GRM8: variants seen among roughly 807,000 people sequenced by gnomAD.
GRM8 encodes metabotropic glutamate receptor 8.
In GRM8, 47 loss-of-function variants were observed where a neutral mutation model predicts 87.2. The ratio of observed to expected loss-of-function variants is 0.54; its 90% CI spans 0.43 to 0.69. The LOEUF (loss-of-function observed/expected upper bound fraction) is 0.69, where lower values mean the gene tolerates loss of function less well. Ranked by LOEUF, GRM8 falls within the 30% of genes least tolerant of loss-of-function variation. The pLI, the probability that GRM8 is intolerant of heterozygous loss-of-function variation, is 0.00. For missense variants in GRM8, 1,019 were observed against 1,139.2 expected (o/e 0.89, Z 1.52); for synonymous variants, 396 against 404.5 (o/e 0.98, Z 0.25).
intron 7 of GRM8, among the ~76,000 whole-genome samples, chr7:126,615,773 AAAG>A (rs1799424378): frequency 1.3e-5 from 2 of 152,340 alleles, no homozygotes; most frequent in South Asian, 4.1e-4. Context: ...CAAAAGAGAC[AAAG>A]AAGGCCATTA....
chr7:126,533,566 C>A lies in GRM8; in HGVS notation c.1816G>T (p.Val606Phe). Reference sequence around the variant, plus strand: ...ACGATAGGTGTGTCATTATAGCGGACAAAGGTCACGATCACAAAGGTGGTG... The same window carrying A: ...ACGATAGGTGTGTCATTATAGCGGAAAAAGGTCACGATCACAAAGGTGGTG... ...IATTFVIVTF[V>F]RYNDTPIVRA... The change falls in exon 9 of 11, where the codon GTC (valine) becomes TTC (phenylalanine). Residue 606 changes from valine to phenylalanine, a missense_variant. Coordinates refer to ENST00000339582, the MANE Select transcript of GRM8 (RefSeq NM_000845.3). The A allele has an allele frequency of 1.9e-6, 3 of 1,614,020 alleles. No homozygotes were observed. The highest frequency in any genetic ancestry group is 1.7e-6 in the Non-Finnish European group (2 of 1,179,992).
intron 9 of GRM8, among the ~76,000 whole-genome samples, chr7:126,481,927 A>C (rs1460821905): frequency 6.6e-6 from 1 of 152,084 alleles, no homozygotes; most frequent in Non-Finnish European, 1.5e-5. Context: ...TGTAAGTCTA[A>C]AAGTATCTCA....
intron 7 of GRM8, among the ~76,000 whole-genome samples, chr7:126,723,751 A>G (rs185718559): frequency 1.2e-3 from 184 of 152,292 alleles, no homozygotes; most frequent in African/African-American, 4.2e-3. Context: ...AATTAGCTAC[A>G]TCTTTGTGTG....
At chr7:127,030,960 T>G (rs562251370) in intron 3 of GRM8, among the ~76,000 whole-genome samples, 1 of 152,254 alleles carries the variant, frequency 6.6e-6, no homozygotes, top group Admixed American at 6.5e-5. Context: ...TAAGATGTGG[T>G]CTACCAGTGA....
At chr7:126,842,270 G>C (rs2237771) in intron 6 of GRM8, among the ~76,000 whole-genome samples, 33,066 of 152,114 alleles carry the variant, frequency 0.22, 4,051 homozygotes, top group East Asian at 0.5. Context: ...GGATGTTTAA[G>C]AGGCAATAGG....
At chr7:126,975,158 C>T (rs1169690341) in intron 3 of GRM8, among the ~76,000 whole-genome samples, 1 of 152,012 alleles carries the variant, frequency 6.6e-6, no homozygotes, top group African/African-American at 2.4e-5. Flanking sequence ...GAGCACCCAC[C>T]CTCTAAACTT....
chr7:126,658,044 C>T (rs769505547), intron 7 of GRM8, among the ~76,000 whole-genome samples: 4 of 152,166 alleles, frequency 2.6e-5, no homozygotes, highest in African/African-American at 4.8e-5. Flanking sequence ...TGGCCTGAGC[C>T]GCTGGGAAAG....
In GRM8 at chr7:127,113,563, CG is replaced by C. The variant is rs1384462152; in HGVS notation, c.511-6852del. 3.3e-5 allele frequency among the ~76,000 whole-genome samples: 5 copies of C among 152,048 alleles called. No individual in the cohort carries two copies. In the East Asian group the frequency reaches 9.7e-4, roughly 29 times the overall value. ...GAACTTAATTGGTGAAGTAGGTTGG[CG>C]GGGTGGGTTCTTTGTGCTACTCAAT... On this transcript the variant is annotated intron_variant, in intron 2 of 10. Coordinates refer to ENST00000339582, the MANE Select transcript of GRM8 (RefSeq NM_000845.3).
At chr7:126,834,184 C>G (rs1213030795) in intron 6 of GRM8, among the ~76,000 whole-genome samples, 2 of 152,186 alleles carry the variant, frequency 1.3e-5, no homozygotes, top group African/African-American at 4.8e-5. Flanking sequence ...ATCCTCTCCC[C>G]CATTGCCATG....
chr7:127,017,240 T>C (rs1260406997), intron 3 of GRM8, among the ~76,000 whole-genome samples: 3 of 152,084 alleles, frequency 2.0e-5, no homozygotes, highest in Admixed American at 2.0e-4. Context: ...AGCTAAGTTC[T>C]CTTAAATTTT....
At chr7:127,215,234 G>A (rs967161891) in intron 2 of GRM8, 1 of 152,148 alleles carries the variant, frequency 6.6e-6, no homozygotes, top group African/African-American at 2.4e-5. Context: ...GAGGTTTCCT[G>A]GACGGCATAT....
rs372188741 is a variant in GRM8, at chr7:126,957,889, C to G, written c.728-53206G>C. On this transcript the variant is annotated intron_variant, in intron 3 of 10. Transcript: ENST00000339582. ...AGGGCTGCCCATTCCAGGTGGAGTC[C>G]GCAGCCAGAAGTGACAACTTAGGTC... 9.9e-5 allele frequency among the ~76,000 whole-genome samples: 15 copies of G among 152,282 alleles called. No homozygotes were observed. In the East Asian group the frequency reaches 2.9e-3, roughly 30 times the overall value.
intron 8 of GRM8, among the ~76,000 whole-genome samples, chr7:126,603,782 G>A (rs1585192617): frequency 1.3e-5 from 2 of 152,130 alleles, no homozygotes; most frequent in African/African-American, 4.8e-5. Context: ...ATAGGAAAGA[G>A]CATTTTCACA....
chr7:126,934,586 C>A (rs1444373290), intron 3 of GRM8, among the ~76,000 whole-genome samples: 1 of 152,042 alleles, frequency 6.6e-6, no homozygotes, highest in Non-Finnish European at 1.5e-5. Context: ...TAGTTAGGGT[C>A]AAAAGAGAGA....
At chr7:127,027,183 C>T (rs1187401163) in intron 3 of GRM8, among the ~76,000 whole-genome samples, 1 of 152,040 alleles carries the variant, frequency 6.6e-6, no homozygotes, top group Non-Finnish European at 1.5e-5. Context: ...TGTTCTGTCC[C>T]ATTGGTCTAT....
intron 6 of GRM8, among the ~76,000 whole-genome samples, chr7:126,894,001 T>C (rs1801309902): frequency 6.6e-6 from 1 of 152,086 alleles, no homozygotes; most frequent in African/African-American, 2.4e-5. Flanking sequence ...ATCCTCTGAG[T>C]TAAAAAGAAT....
chr7:127,027,009 G>A (rs12706758), intron 3 of GRM8, among the ~76,000 whole-genome samples: 38,743 of 152,062 alleles, frequency 0.25, 5,858 homozygotes, highest in Non-Finnish European at 0.36. Context: ...ATTAATTTTT[G>A]TATAAGGTAT....
intron 6 of GRM8, among the ~76,000 whole-genome samples, chr7:126,825,957 G>A (rs1240424087): frequency 6.8e-6 from 1 of 147,600 alleles, no homozygotes; most frequent in East Asian, 2.0e-4. Context: ...ATCTATGAAT[G>A]AGAACATGCA....
intron 7 of GRM8, among the ~76,000 whole-genome samples, chr7:126,751,633 C>A (rs894019231): frequency 1.3e-5 from 2 of 152,118 alleles, no homozygotes; most frequent in African/African-American, 4.8e-5. Context: ...ACAAAAGAGG[C>A]AAAGGAAGGC....
Sources: gnomAD v4.1 joint callset for allele counts (sites outside exome capture counted in the v4.1 genomes callset) on GRCh38, gnomAD v4.1.1 for gene constraint, MANE v1.5 for transcripts, NCBI Gene and HGNC (gene_info 2026-07-23, HGNC 2026-07-21) for gene names.